RELN: variants seen among roughly 807,000 people sequenced by gnomAD.
RELN encodes the protein reelin.
In RELN, 108 loss-of-function variants were observed where a neutral mutation model predicts 427.6. The ratio of observed to expected loss-of-function variants is 0.25; its 90% confidence interval spans 0.22 to 0.30. RELN has a LOEUF of 0.30. Ranked by LOEUF, RELN falls within the 10% of genes least tolerant of loss-of-function variation. The pLI is 1.00. For missense variants in RELN, 3,715 were observed against 4,302.8 expected, an observed-to-expected ratio of 0.86 and a Z score of 3.82; for synonymous variants, 1,524 against 1,513.4, an observed-to-expected ratio of 1.01 and a Z score of -0.16.
At chr7:103,477,789 G>C (rs975528409) in intron 64 of RELN, among the ~76,000 whole-genome samples, 38 of 152,124 alleles carry the variant, frequency 2.5e-4, no homozygotes, top group African/African-American at 8.7e-4. Flanking sequence ...AAATTTTAAA[G>C]AATCTCAGAG....
chr7:103,514,523 G>A (rs1214685607), intron 50 of RELN, among the ~76,000 whole-genome samples: 1 of 152,132 alleles, frequency 6.6e-6, no homozygotes, highest in Non-Finnish European at 1.5e-5. Context: ...GCTGGGCATG[G>A]TGTCACATGC....
At chr7:103,814,203 C>T (rs781527675) in intron 3 of RELN, among the ~76,000 whole-genome samples, 70 of 152,164 alleles carry the variant, frequency 4.6e-4, no homozygotes, top group Non-Finnish European at 7.6e-4. Context: ...CATAATAACA[C>T]TGCTTATTTC....
At chr7:103,728,560 C>T (rs904706569) in intron 6 of RELN, among the ~76,000 whole-genome samples, 2 of 152,004 alleles carry the variant, frequency 1.3e-5, no homozygotes, top group African/African-American at 4.8e-5. Context: ...GAACCAATGT[C>T]ATAGCAGGCA....
chr7:103,548,051 A>G (rs1161358534), intron 41 of RELN, among the ~76,000 whole-genome samples: 1 of 152,218 alleles, frequency 6.6e-6, no homozygotes, highest in African/African-American at 2.4e-5. Flanking sequence ...CAAGCACACA[A>G]CATTGCTTTC....
chr7:103,795,096 A>G (rs1792267622), intron 3 of RELN, among the ~76,000 whole-genome samples: 1 of 152,218 alleles, frequency 6.6e-6, no homozygotes, highest in Non-Finnish European at 1.5e-5. Context: ...TTAATTATAT[A>G]TAATATTCCC....
At chr7:103,623,185 T>C (rs1262326253) in intron 20 of RELN, among the ~76,000 whole-genome samples, 1 of 152,222 alleles carries the variant, frequency 6.6e-6, no homozygotes, top group African/African-American at 2.4e-5. Flanking sequence ...TTTACCTATC[T>C]ATCTGCTAAG....
In RELN at chr7:103,988,700, C is replaced by G. The variant is rs1171416321; in HGVS notation, c.226+431G>C. ...CTTCAATCTGTCACCAGCCTGCCCG[C>G]AAAGCCCAGCGACAGCCCCCAACGC... On this transcript the variant is annotated intron_variant, in intron 1 of 64. Transcript: ENST00000428762. The surrounding 1 kb of genome is among the most constrained non-coding windows in gnomAD (Gnocchi z 4.9). Among the ~76,000 whole-genome samples the G allele has an allele frequency of 2.6e-5, 4 of 152,200 alleles. No homozygotes were observed. The highest frequency in any genetic ancestry group is 4.4e-5 in the Non-Finnish European group (3 of 68,026).
chr7:103,611,726 A>G lies in RELN; in HGVS notation c.2780T>C (p.Met927Thr). The G allele has an allele frequency of 3.7e-6, 6 of 1,613,926 alleles. No homozygotes were observed. The highest frequency in any genetic ancestry group is 5.1e-6 in the Non-Finnish European group (6 of 1,179,912). The change falls in exon 21 of 65, where the codon ATG becomes ACG. Residue 927 changes from methionine to threonine, a missense_variant. Transcript: ENST00000428762. ...TCCCATCACCAAACTGAACTGAATC[A>G]TATAGGATGCTCCTATCTGCATTGA... Reference protein sequence around the residue: ...TQSMQIGASYMIQFSLVMGCG... With the variant: ...TQSMQIGASYTIQFSLVMGCG...
intron 10 of RELN, among the ~76,000 whole-genome samples, chr7:103,682,484 T>C (rs1303420814): frequency 6.6e-6 from 1 of 152,194 alleles, no homozygotes; most frequent in Admixed American, 6.6e-5. Flanking sequence ...CAAGGGGGCA[T>C]TTGAGCTTTG....
At chr7:103,551,743 T>C (rs954860854) in intron 40 of RELN, among the ~76,000 whole-genome samples, 1 of 152,194 alleles carries the variant, frequency 6.6e-6, no homozygotes, top group Non-Finnish European at 1.5e-5. Flanking sequence ...GAATCTGCAA[T>C]GAATATTCAA....
intron 3 of RELN, among the ~76,000 whole-genome samples, chr7:103,788,229 A>G (rs559602948): frequency 6.6e-6 from 1 of 152,304 alleles, no homozygotes; most frequent in South Asian, 2.1e-4. Flanking sequence ...CACAGCCAAT[A>G]TCATACTGAA....
Position 103,603,217 on chromosome 7 carries a change from A to AC in RELN, c.3333+86dup. ...AGCGGGGAACGTGGGGAACAATAGA[A>AC]CCACTTCATATTTGTACATTTGGAA... On this transcript the variant is annotated intron_variant, in intron 24 of 64. Coordinates refer to ENST00000428762, the MANE Select transcript of RELN (RefSeq NM_005045.4). This position sits in a 1 kb window ranked among gnomAD's most constrained non-coding sequence, Gnocchi z 4.3. 1 of 1,108,216 alleles carries AC rather than the reference A, an allele frequency of 9.0e-7. No individual in the cohort carries two copies. The highest frequency in any genetic ancestry group is 1.4e-6 in the Non-Finnish European group (1 of 720,484). 68.6% of individuals were successfully genotyped at this position (1,108,216 alleles called of 1,614,324 possible). A position where few individuals can be genotyped will look rare whatever the true frequency, so the allele number is the denominator to read the frequency against.
chr7:103,573,516 A>C lies in RELN; in HGVS notation c.4511+576T>G, dbSNP rs539963806. On this transcript the variant is annotated intron_variant, in intron 30 of 64. Coordinates refer to ENST00000428762, the MANE Select transcript of RELN (RefSeq NM_005045.4). The surrounding 1 kb of genome is among the most constrained non-coding windows in gnomAD (Gnocchi z 4.4). ...CCCAGATTTTGTGAGGAGGTCTAAAAATTTTAAACATTTTCTCTATTTCCT... is the reference window on the plus strand; with the variant it reads ...CCCAGATTTTGTGAGGAGGTCTAAACATTTTAAACATTTTCTCTATTTCCT... 1.5e-4 allele frequency among the ~76,000 whole-genome samples: 23 copies of C among 152,316 alleles called. No homozygotes were observed. The highest frequency in any genetic ancestry group is 5.9e-4 in the Admixed American group (9 of 15,302).
chr7:103,632,861 AAG>A (rs1227422444), intron 19 of RELN, among the ~76,000 whole-genome samples: 7 of 152,174 alleles, frequency 4.6e-5, no homozygotes, highest in Admixed American at 6.6e-5. Flanking sequence ...TGATAGAACA[AAG>A]AGGAGATTAA....
chr7:103,786,955 A>C (rs1395383460), intron 3 of RELN, among the ~76,000 whole-genome samples: 2 of 152,174 alleles, frequency 1.3e-5, no homozygotes, highest in African/African-American at 4.8e-5. Flanking sequence ...ATTAGAAGTA[A>C]AACACTCCTC....
chr7:103,855,276 C>A (rs1361108071), intron 2 of RELN, among the ~76,000 whole-genome samples: 1 of 152,154 alleles, frequency 6.6e-6, no homozygotes, highest in South Asian at 2.1e-4. Context: ...CAGTGGTGTG[C>A]ACAGGCAGCA....
chr7:103,496,039 A>G lies in RELN; in HGVS notation c.9194-141T>C, dbSNP rs924029044. 4.8e-6 allele frequency: 4 copies of G among 840,510 alleles called. No homozygotes were observed. The Admixed American group carries it at 9.1e-5, about 19-fold the overall frequency. 52.1% of individuals were successfully genotyped at this position (840,510 alleles called of 1,614,324 possible). A position where few individuals can be genotyped will look rare whatever the true frequency, so the allele number is the denominator to read the frequency against. On this transcript the variant is annotated intron_variant, in intron 56 of 64. Coordinates refer to ENST00000428762, the MANE Select transcript of RELN (RefSeq NM_005045.4). ...TATGCTCTACTAGCTTTCTGCTTAC[A>G]CTTTAGGATTGATTTTTATTTTATT...
chr7:103,575,635 C>T lies in RELN; in HGVS notation c.4216G>A (p.Val1406Met), dbSNP rs1386342807. The T allele has an allele frequency of 6.2e-7, 1 of 1,614,174 alleles. No individual in the cohort carries two copies. The highest frequency in any genetic ancestry group is 2.2e-5 in the East Asian group (1 of 44,876). Residue 1406 changes from valine to methionine, a missense_variant, in exon 29 of 65, where the codon GTG (valine) becomes ATG (methionine). This residue lies in a region of RELN where 2,208 missense variants were observed against 2,361.7 expected (regional missense o/e 0.93). Coordinates refer to ENST00000428762, the MANE Select transcript of RELN (RefSeq NM_005045.4). ...KNVPPFGLDG[V>M]YISEPCPSYC... ...CTGGGACAAGGCTCGGATATGTACA[C>T]TCCATCTAAACCAAATGGAGGCACG...
intron 33 of RELN, 47 bp from the exon 34 acceptor site, chr7:103,565,598 C>T: frequency 6.3e-7 from 1 of 1,584,152 alleles, no homozygotes; most frequent in East Asian, 2.3e-5. Context: ...GTGCCATTTT[C>T]TTATTTGGTG....
Sources: gnomAD v4.1 joint callset for allele counts (sites outside exome capture counted in the v4.1 genomes callset) on GRCh38, gnomAD v4.1.1 for gene constraint, gnomAD v4.1.1 regional missense constraint, Gnocchi (gnomAD v3.1) non-coding constraint, MANE v1.5 for transcripts, NCBI Gene and HGNC (gene_info 2026-07-23, HGNC 2026-07-21) for gene names.